Variants in RFC3 observed in about 807,000 individuals in gnomAD.
RFC3 encodes the protein replication factor C subunit 3.
RFC3 carries 41 observed loss-of-function variants against 45.1 expected under a neutral mutation model. The observed-to-expected ratio is 0.91, with a 90% CI of 0.71 to 1.18. The LOEUF (loss-of-function observed/expected upper bound fraction) is 1.18, where lower values mean the gene tolerates loss of function less well. RFC3 is among the 50% of genes most tolerant of loss of function. RFC3 has a pLI of 0.00. For missense variants in RFC3, 423 were observed against 428.1 expected (o/e 0.99, Z 0.10); for synonymous variants, 149 against 144.0 (o/e 1.03, Z -0.25).
chr13:33,930,666 C>G (rs2082846057), intron 8 of RFC3, among the ~76,000 whole-genome samples: 1 of 152,134 alleles, frequency 6.6e-6, no homozygotes, highest in Non-Finnish European at 1.5e-5. Context: ...CAGTATTAAC[C>G]ATCACATAGC....
In RFC3 at chr13:33,944,264, T is replaced by G. The variant is rs147078457; in HGVS notation, c.880-21823T>G. Among the ~76,000 whole-genome samples, 533 of 152,302 alleles carry G rather than the reference T, an allele frequency of 3.5e-3. 3 individuals are homozygous for G. The highest frequency in any genetic ancestry group is 0.012 in the African/African-American group (501 of 41,568). On this transcript the variant is annotated intron_variant, in intron 8 of 8. Transcript: ENST00000434425. ...TCTTGTGCAATTAAAAGTGCTAAAT[T>G]TATTTCAATCCAAAACACATCCTTT...
intron 8 of RFC3, among the ~76,000 whole-genome samples, chr13:33,965,341 A>T (rs1296345321): frequency 6.6e-6 from 1 of 152,112 alleles, no homozygotes; most frequent in East Asian, 1.9e-4. Flanking sequence ...TTTTTATTGC[A>T]CCTTTTTATG....
At chr13:33,905,767 C>T (rs2082668558) in intron 8 of RFC3, among the ~76,000 whole-genome samples, 1 of 151,874 alleles carries the variant, frequency 6.6e-6, no homozygotes, top group Admixed American at 6.6e-5. Flanking sequence ...CATTCTTCAC[C>T]AAATCTGGTC....
intron 8 of RFC3, among the ~76,000 whole-genome samples, chr13:33,885,261 T>C (rs1001531399): frequency 2.6e-5 from 4 of 152,110 alleles, no homozygotes; most frequent in African/African-American, 7.2e-5. Context: ...TATGAAAATA[T>C]AAATATTTGA....
chr13:33,943,481 G>A (rs1671441945), intron 8 of RFC3, among the ~76,000 whole-genome samples: 1 of 152,158 alleles, frequency 6.6e-6, no homozygotes, highest in South Asian at 2.1e-4. Context: ...TAGAAGTGAA[G>A]ATTAGGAATG....
intron 8 of RFC3, among the ~76,000 whole-genome samples, chr13:33,947,959 G>A (rs1281503201): frequency 2.0e-5 from 3 of 152,214 alleles, no homozygotes; most frequent in Non-Finnish European, 2.9e-5. Flanking sequence ...GCCTGGCGAT[G>A]TGATAGAAAA....
chr13:33,944,574 C>T (rs1444352650), intron 8 of RFC3, among the ~76,000 whole-genome samples: 2 of 152,066 alleles, frequency 1.3e-5, no homozygotes, highest in African/African-American at 2.4e-5. Flanking sequence ...GTTTTAAACA[C>T]GGGATGAAAA....
intron 8 of RFC3, among the ~76,000 whole-genome samples, chr13:33,943,743 G>A (rs2082938461): frequency 6.6e-6 from 1 of 151,592 alleles, no homozygotes; most frequent in Non-Finnish European, 1.5e-5. Context: ...CTCATGGGGG[G>A]CTTGCTTCTT....
intron 8 of RFC3, among the ~76,000 whole-genome samples, chr13:33,897,728 T>C (rs949294093): frequency 2.0e-5 from 3 of 151,944 alleles, no homozygotes; most frequent in Non-Finnish European, 2.9e-5. Context: ...GAAGAAGATA[T>C]TCCAGGCAAC....
intron 1 of RFC3, among the ~76,000 whole-genome samples, chr13:33,818,820 A>G (rs1488141617): frequency 6.8e-6 from 1 of 148,058 alleles, no homozygotes; most frequent in Non-Finnish European, 1.5e-5. Context: ...GTAAATATGT[A>G]TTTACTCCAA....
chr13:33,908,607 T>TACACACAC (rs71074991), intron 8 of RFC3, among the ~76,000 whole-genome samples: 11 of 142,702 alleles, frequency 7.7e-5, no homozygotes, highest in Admixed American at 2.8e-4. Context: ...ACACAGGAGA[T>TACACACAC]ACACACACAC....
chr13:33,959,256 T>C (rs1448860012), intron 8 of RFC3, among the ~76,000 whole-genome samples: 1 of 152,206 alleles, frequency 6.6e-6, no homozygotes, highest in Non-Finnish European at 1.5e-5. Context: ...GTTATTTCCC[T>C]GCTTACAAAC....
intron 5 of RFC3, among the ~76,000 whole-genome samples, chr13:33,830,341 A>G (rs1266678689): frequency 6.6e-6 from 1 of 152,214 alleles, no homozygotes; most frequent in Non-Finnish European, 1.5e-5. Context: ...AATATTGAGG[A>G]AACAGATTTT....
chr13:33,960,157 C>T (rs912553557), intron 8 of RFC3, among the ~76,000 whole-genome samples: 1 of 152,160 alleles, frequency 6.6e-6, no homozygotes, highest in African/African-American at 2.4e-5. Context: ...CTAGGGATTA[C>T]ATTTCAACAT....
At chr13:33,963,722 T>C (rs1294492215) in intron 8 of RFC3, among the ~76,000 whole-genome samples, 1 of 152,240 alleles carries the variant, frequency 6.6e-6, no homozygotes, top group Non-Finnish European at 1.5e-5. Context: ...TCTTCTGTGT[T>C]CATGTCTCTC....
chr13:33,943,939 C>T (rs2082939627), intron 8 of RFC3, among the ~76,000 whole-genome samples: 1 of 152,118 alleles, frequency 6.6e-6, no homozygotes, highest in Admixed American at 6.6e-5. Context: ...CATTGGCTGT[C>T]AATTTAGGGT....
intron 8 of RFC3, among the ~76,000 whole-genome samples, chr13:33,860,864 C>CT (rs943781897): frequency 4.6e-5 from 7 of 151,810 alleles, no homozygotes; most frequent in South Asian, 2.1e-4. Context: ...AGCCAAATCC[C>CT]TTTTTTTCCC....
At chr13:33,895,765 C>T (rs1221939326) in intron 8 of RFC3, among the ~76,000 whole-genome samples, 2 of 152,090 alleles carry the variant, frequency 1.3e-5, no homozygotes, top group Non-Finnish European at 2.9e-5. Context: ...TAAGTGCCCA[C>T]CAACCAAAGA....
intron 8 of RFC3, among the ~76,000 whole-genome samples, chr13:33,853,201 CTT>C (rs143190777): frequency 1.7e-3 from 260 of 152,250 alleles, no homozygotes; most frequent in African/African-American, 5.9e-3. Context: ...TTTCCACAGA[CTT>C]TTAAGACTCC....
Sources: gnomAD v4.1 joint callset for allele counts (sites outside exome capture counted in the v4.1 genomes callset) on GRCh38, gnomAD v4.1.1 for gene constraint, MANE v1.5 for transcripts, NCBI Gene and HGNC (gene_info 2026-07-23, HGNC 2026-07-21) for gene names.